Variants in PARVB observed in about 807,000 individuals in gnomAD.
The protein encoded by PARVB is parvin beta.
PARVB carries 46 observed loss-of-function variants against 47.0 expected under a neutral mutation model. That is an observed-to-expected ratio of 0.98 (90% CI 0.77 to 1.25). The LOEUF (loss-of-function observed/expected upper bound fraction) is 1.25, where lower values mean the gene tolerates loss of function less well. PARVB is among the 50% of genes most tolerant of loss of function. The pLI, the probability that PARVB is intolerant of heterozygous loss-of-function variation, is 0.00. For synonymous variants in PARVB, 196 were observed against 196.3 expected (o/e 1.00, Z 0.01); for missense variants, 473 against 471.6 (o/e 1.00, Z -0.03).
At position 44,001,975 on chromosome 22, in the gene PARVB, C is replaced by T. The variant is rs548183883; in HGVS notation, c.211+2302C>T. 5.9e-4 allele frequency among the ~76,000 whole-genome samples: 88 copies of T among 149,436 alleles called. 1 individual carries two copies. The highest frequency in any genetic ancestry group is 8.6e-4 in the Non-Finnish European group (58 of 67,778). The stretch of plus-strand genomic sequence containing the variant: ...AGATGTAATGACAGGGAGCATTTTG[C>T]TGCTTCATTCATGAGCGAAACTGGC... On this transcript the variant is annotated intron_variant, in intron 2 of 13. Transcript: ENST00000406477.
chr22:44,096,680 C>T (rs933100356), intron 2 of PARVB, among the ~76,000 whole-genome samples: 4 of 152,174 alleles, frequency 2.6e-5, no homozygotes, highest in African/African-American at 9.7e-5. Flanking sequence ...GGGCATTTTG[C>T]CCCCAGAGCT....
intron 11 of PARVB, among the ~76,000 whole-genome samples, chr22:44,160,565 C>T (rs1189851279): frequency 2.0e-5 from 3 of 152,146 alleles, no homozygotes; most frequent in Non-Finnish European, 2.9e-5. Flanking sequence ...CAGGCCTCTC[C>T]GGGATCCATG....
At chr22:44,000,517 C>T (rs1322852750) in intron 2 of PARVB, among the ~76,000 whole-genome samples, 2 of 152,326 alleles carry the variant, frequency 1.3e-5, no homozygotes, top group South Asian at 2.1e-4. Context: ...TGGCTCACGC[C>T]TGTAAAATTT....
At chr22:44,161,275 A>C (rs1327298894) in intron 11 of PARVB, among the ~76,000 whole-genome samples, 1 of 148,494 alleles carries the variant, frequency 6.7e-6, no homozygotes, top group Admixed American at 6.7e-5. Flanking sequence ...TCCTGGTTCC[A>C]TGCCTGTGAG....
At chr22:44,165,657 C>T (rs369164383) in intron 12 of PARVB, among the ~76,000 whole-genome samples, 34 of 152,342 alleles carry the variant, frequency 2.2e-4, no homozygotes, top group African/African-American at 6.7e-4. Context: ...TGCCTCCACG[C>T]GTCATGGGGT....
At chr22:44,141,311 C>G (rs550708046) in intron 8 of PARVB, 1 of 152,254 alleles carries the variant, frequency 6.6e-6, no homozygotes, top group African/African-American at 2.4e-5. Context: ...TTAACTCACA[C>G]GATCACAAGG....
intron 3 of PARVB, among the ~76,000 whole-genome samples, chr22:44,116,968 T>C (rs11704263): frequency 0.37 from 55,868 of 151,848 alleles, 10,481 homozygotes; most frequent in Middle Eastern, 0.5. Flanking sequence ...GGAGTGGAAC[T>C]GGTTAAGAAG....
chr22:44,073,285 T>C (rs1001964825), intron 1 of PARVB, among the ~76,000 whole-genome samples: 2 of 151,652 alleles, frequency 1.3e-5, no homozygotes, highest in African/African-American at 4.9e-5. Context: ...AGGTCAGGGG[T>C]TCGAGACCAG....
intron 4 of PARVB, among the ~76,000 whole-genome samples, chr22:44,131,267 G>C (rs958749659): frequency 6.6e-6 from 1 of 151,272 alleles, no homozygotes; most frequent in Non-Finnish European, 1.5e-5. Context: ...TCAGCCTCCC[G>C]AGTAGCTGGG....
intron 1 of PARVB, chr22:44,069,089 G>A (rs761683371): frequency 1.2e-6 from 2 of 1,609,936 alleles, no homozygotes; most frequent in Non-Finnish European, 1.7e-6. Context: ...AACGGGGTGT[G>A]TGCCCGCCTG....
chr22:44,097,595 G>T (rs907006005), intron 2 of PARVB, among the ~76,000 whole-genome samples: 9 of 152,332 alleles, frequency 5.9e-5, no homozygotes, highest in Non-Finnish European at 1.3e-4. Flanking sequence ...GTGAGACGCA[G>T]CTGCTCCCTG....
chr22:44,055,575 C>T (rs554992573), intron 1 of PARVB, among the ~76,000 whole-genome samples: 21 of 152,126 alleles, frequency 1.4e-4, no homozygotes, highest in Admixed American at 8.5e-4. Context: ...CCTCGTGATC[C>T]GCCCGCCTCG....
chr22:44,075,221 C>T (rs2051742379), intron 1 of PARVB, among the ~76,000 whole-genome samples: 1 of 152,234 alleles, frequency 6.6e-6, no homozygotes, highest in Non-Finnish European at 1.5e-5. Context: ...GGGACACACA[C>T]AAACACGCAC....
intron 1 of PARVB, among the ~76,000 whole-genome samples, chr22:44,045,141 G>A (rs928440322): frequency 1.3e-5 from 2 of 152,108 alleles, no homozygotes; most frequent in African/African-American, 4.8e-5. Flanking sequence ...GCCCCTGCAG[G>A]GGCAGGGGGC....
At chr22:44,031,592 C>T (rs1354345493) in intron 1 of PARVB, 3 of 149,588 alleles carry the variant, frequency 2.0e-5, no homozygotes, top group African/African-American at 7.4e-5. Context: ...GGTGGTTCTC[C>T]TAGCACCTTG....
chr22:44,012,791 C>G (rs927901038), intron 2 of PARVB, among the ~76,000 whole-genome samples: 1 of 152,102 alleles, frequency 6.6e-6, no homozygotes, highest in Non-Finnish European at 1.5e-5. Flanking sequence ...TCCCAAAGAG[C>G]TACAGGCGGT....
At chr22:44,038,425 C>T (rs1325206669) in intron 1 of PARVB, among the ~76,000 whole-genome samples, 1 of 152,142 alleles carries the variant, frequency 6.6e-6, no homozygotes, top group Non-Finnish European at 1.5e-5. Flanking sequence ...TCTGTAAAGC[C>T]TACTTAACTC....
Position 44,083,461 on chromosome 22 carries a change from G to A in PARVB, c.113-10467G>A, listed in dbSNP as rs564546451. ...GAGCACAGTCCACAATCACATGATCGGGGAATAGGGTTTGTCATTGTCATG... is the reference window on the plus strand; with the variant it reads ...GAGCACAGTCCACAATCACATGATCAGGGAATAGGGTTTGTCATTGTCATG... On this transcript the variant is annotated intron_variant, in intron 1 of 12. Transcript: ENST00000338758. Among the ~76,000 whole-genome samples the A allele has an allele frequency of 5.9e-5, 9 of 152,238 alleles. No homozygotes were observed. The South Asian group carries it at 1.2e-3, about 21-fold the overall frequency.
At chr22:44,079,129 A>G (rs967692537) in intron 1 of PARVB, among the ~76,000 whole-genome samples, 3 of 152,198 alleles carry the variant, frequency 2.0e-5, no homozygotes, top group African/African-American at 4.8e-5. Context: ...CGTTTCCCGC[A>G]ATGTGTGTCC....
Sources: gnomAD v4.1 joint callset for allele counts (sites outside exome capture counted in the v4.1 genomes callset) on GRCh38, gnomAD v4.1.1 for gene constraint, MANE v1.5 for transcripts, NCBI Gene and HGNC (gene_info 2026-07-23, HGNC 2026-07-21) for gene names.